EPB41L4B: variants seen among roughly 807,000 people sequenced by gnomAD.
EPB41L4B encodes erythrocyte membrane protein band 4.1 like 4B.
A neutral mutation model predicts 112.5 loss-of-function variants in EPB41L4B; 30 were observed. The observed-to-expected ratio is 0.27, with a 90% CI of 0.20 to 0.36. The LOEUF (loss-of-function observed/expected upper bound fraction) is 0.36. Ranked by LOEUF, EPB41L4B falls within the 10% of genes least tolerant of loss-of-function variation. EPB41L4B has a pLI of 1.00. For synonymous variants in EPB41L4B, 408 were observed against 439.7 expected (o/e 0.93, Z 0.90); for missense variants, 1,024 against 1,133.3 (o/e 0.90, Z 1.38).
intron 6 of EPB41L4B, 58 bp from the exon 7 acceptor site, chr9:109,258,355 T>C: frequency 1.3e-6 from 2 of 1,585,376 alleles, no homozygotes; most frequent in South Asian, 1.1e-5. Flanking sequence ...CAGTTATTGC[T>C]GCAACCAGGT....
intron 15 of EPB41L4B, among the ~76,000 whole-genome samples, chr9:109,220,057 A>C (rs374466144): frequency 6.6e-6 from 1 of 152,360 alleles, no homozygotes; most frequent in East Asian, 1.9e-4. Flanking sequence ...TGAAGCTGGC[A>C]TTACCACTGA....
chr9:109,258,242 A>C lies in EPB41L4B; in HGVS notation c.687T>G (p.Phe229Leu). ...PEHTPELVSE[F>L]RFIPNQTEAM... ...CTTCTGTCTGATTTGGAATGAACCG[A>C]AACTCAGACACAAGCTCTGGTGTGT... Residue 229 changes from phenylalanine to leucine, a missense_variant, in exon 7 of 26, where the codon TTT becomes TTG. Phe to Leu is a conservative substitution (Grantham distance 22). Transcript: ENST00000374566. 6.2e-7 allele frequency: 1 copy of C among 1,614,120 alleles called. No individual in the cohort carries two copies. The highest frequency in any genetic ancestry group is 1.3e-5 in the African/African-American group (1 of 75,076).
At chr9:109,254,266 C>T (rs993275015) in intron 11 of EPB41L4B, among the ~76,000 whole-genome samples, 1 of 152,188 alleles carries the variant, frequency 6.6e-6, no homozygotes, top group African/African-American at 2.4e-5. Flanking sequence ...CTGTCCTTCC[C>T]GCCTCACTCC....
intron 1 of EPB41L4B, among the ~76,000 whole-genome samples, chr9:109,285,496 T>C (rs1048476347): frequency 2.0e-5 from 3 of 152,180 alleles, no homozygotes; most frequent in Admixed American, 6.5e-5. Flanking sequence ...CCCTCCCATA[T>C]GTCCCCCAAG....
chr9:109,263,131 G>C (rs1046831368), intron 5 of EPB41L4B, 29 bp from the exon 6 acceptor site: 1 of 1,449,430 alleles, frequency 6.9e-7, no homozygotes, highest in Non-Finnish European at 9.5e-7. Flanking sequence ...AAATTAATTC[G>C]AAATAGGAAC....
At chr9:109,233,488 G>A (rs139988327) in intron 15 of EPB41L4B, among the ~76,000 whole-genome samples, 134 of 151,016 alleles carry the variant, frequency 8.9e-4, no homozygotes, top group African/African-American at 3.1e-3. Flanking sequence ...GTTCTGCAGG[G>A]CAGTATCATG....
chr9:109,260,825 G>A (rs780609503), intron 6 of EPB41L4B, among the ~76,000 whole-genome samples: 2 of 152,190 alleles, frequency 1.3e-5, no homozygotes, highest in South Asian at 4.1e-4. Flanking sequence ...CGGCTCTGGG[G>A]CAAGGTTTTG....
intron 21 of EPB41L4B, among the ~76,000 whole-genome samples, 154 bp from the exon 22 acceptor site, chr9:109,192,509 A>C (rs573450078): frequency 1.3e-5 from 2 of 152,316 alleles, no homozygotes; most frequent in African/African-American, 4.8e-5. Context: ...AGTAGTGTAC[A>C]AAATGTTGAG....
Position 109,243,664 on chromosome 9 carries a change from T to C in EPB41L4B, c.1363A>G (p.Ile455Val), listed in dbSNP as rs746908681. Residue 455 changes from isoleucine (I) to valine (V), a missense_variant, in exon 15 of 26, where the codon ATC (isoleucine) becomes GTC (valine). Coordinates refer to ENST00000374566, the MANE Select transcript of EPB41L4B (RefSeq NM_019114.5). ...HNYQPQYHPNIHPSQPRWHPH... is the reference protein window; with the variant it reads ...HNYQPQYHPNVHPSQPRWHPH... ...TGCCACCGGGGCTGGCTGGGATGGA[T>C]ATTAGGATGATATTGAGGCTAGAAA... The C allele has an allele frequency of 3.1e-6, 5 of 1,614,184 alleles. No homozygotes were observed. The Admixed American group carries it at 6.7e-5, about 22-fold the overall frequency.
intron 7 of EPB41L4B, 28 bp from the exon 8 acceptor site, chr9:109,256,508 A>G: frequency 6.3e-7 from 1 of 1,595,620 alleles, no homozygotes; most frequent in South Asian, 1.1e-5. Context: ...AAATACATGT[A>G]AACTGCGACT....
intron 1 of EPB41L4B, among the ~76,000 whole-genome samples, chr9:109,318,258 C>G (rs1459373904): frequency 6.6e-6 from 1 of 152,092 alleles, no homozygotes; most frequent in Non-Finnish European, 1.5e-5. Flanking sequence ...CTGGGAATAC[C>G]TGGGACAGGG....
At chr9:109,297,250 C>A (rs1212704436) in intron 1 of EPB41L4B, among the ~76,000 whole-genome samples, 1 of 152,034 alleles carries the variant, frequency 6.6e-6, no homozygotes, top group South Asian at 2.1e-4. Context: ...GGAAACCAAC[C>A]CTGCCGTACC....
At chr9:109,213,258 C>T (rs1564269571) in intron 17 of EPB41L4B, among the ~76,000 whole-genome samples, 2 of 152,338 alleles carry the variant, frequency 1.3e-5, no homozygotes, top group East Asian at 3.9e-4. Flanking sequence ...TAGGTCTAGT[C>T]AAAAGGGGGC....
chr9:109,321,008 AGCCGCCGCCGCCGCCGCCGCCGCC>A lies in EPB41L4B; in HGVS notation c.-586_-563del, dbSNP rs752403352. ...CTCCCACCTGGGAGGCTGCACCTCC[AGCCGCCGCCGCCGCCGCCGCCGCC>A]GCTGCCGCCGGGACTGCAGCACGCC... On this transcript the variant is annotated 5_prime_UTR_variant, in exon 1 of 26. Transcript: ENST00000374566. 4 of 178,722 alleles carry A rather than the reference AGCCGCCGCCGCCGCCGCCGCCGCC, an allele frequency of 2.2e-5. No homozygotes were observed. Among genetic ancestry groups the A allele is most frequent in the East Asian group, 1.8e-4 (1 of 5,490 alleles). 11.1% of individuals were successfully genotyped at this position (178,722 alleles called of 1,614,324 possible).
intron 15 of EPB41L4B, chr9:109,240,089 T>C (rs995974671): frequency 3.5e-5 from 34 of 985,180 alleles, no homozygotes; most frequent in Non-Finnish European, 1.2e-5. Context: ...GTTACCAAGG[T>C]CATTCACAAA....
At chr9:109,300,717 T>C (rs1221798857) in intron 1 of EPB41L4B, 1 of 151,954 alleles carries the variant, frequency 6.6e-6, no homozygotes, top group African/African-American at 2.4e-5. Flanking sequence ...ACCCCGGAGA[T>C]GGACATTGCT....
At chr9:109,298,312 G>GTT in intron 1 of EPB41L4B, among the ~76,000 whole-genome samples, 2 of 56,468 alleles carry the variant, frequency 3.5e-5, no homozygotes. Context: ...AATCATATAT[G>GTT]CTTTTTTTTT....
intron 15 of EPB41L4B, among the ~76,000 whole-genome samples, chr9:109,236,769 G>A (rs1401176950): frequency 1.3e-5 from 2 of 152,210 alleles, no homozygotes; most frequent in Non-Finnish European, 2.9e-5. Flanking sequence ...TTCTTACAAT[G>A]TGCCATTTCT....
Position 109,260,218 on chromosome 9 carries a change from C to T in EPB41L4B, c.632-1921G>A, listed in dbSNP as rs1233926629. ...GTCTGTAGCTGGGATTATAGGTATG[C>T]GCCACCATACCTGGCTAATTTTTGT... On this transcript the variant is annotated intron_variant, in intron 6 of 25. Coordinates refer to ENST00000374566, the MANE Select transcript of EPB41L4B (RefSeq NM_019114.5). 5.3e-5 allele frequency among the ~76,000 whole-genome samples: 8 copies of T among 151,858 alleles called. No individual in the cohort carries two copies. The East Asian group carries it at 7.7e-4, about 15-fold the overall frequency.
Sources: gnomAD v4.1 joint callset for allele counts (sites outside exome capture counted in the v4.1 genomes callset) on GRCh38, gnomAD v4.1.1 for gene constraint, MANE v1.5 for transcripts, NCBI Gene and HGNC (gene_info 2026-07-23, HGNC 2026-07-21) for gene names.